The following PALLD variants were observed in gnomAD, a reference collection of about 807,000 sequenced individuals.
PALLD encodes the protein palladin, cytoskeletal associated protein.
In PALLD, 61 loss-of-function variants were observed where a neutral mutation model predicts 123.5. That is an observed-to-expected ratio of 0.49 (90% CI 0.40 to 0.61). The LOEUF is 0.61. Ranked by LOEUF, PALLD falls within the 20% of genes least tolerant of loss-of-function variation. The pLI, the probability that PALLD is intolerant of heterozygous loss-of-function variation, is 0.00. For synonymous variants in PALLD, 465 were observed against 496.4 expected, an observed-to-expected ratio of 0.94 and a Z score of 0.84; for missense variants, 1,273 against 1,377.0, an observed-to-expected ratio of 0.92 and a Z score of 1.20.
At chr4:168,719,252 CTT>C (rs869040811) in intron 10 of PALLD, among the ~76,000 whole-genome samples, 10 of 85,712 alleles carry the variant, frequency 1.2e-4, no homozygotes, top group East Asian at 3.2e-4. Context: ...AAGTAATCTT[CTT>C]TTTTTTTTTT....
At chr4:168,547,566 C>CAA (rs11339394) in intron 2 of PALLD, among the ~76,000 whole-genome samples, 1,233 of 70,920 alleles carry the variant, frequency 0.017, 18 homozygotes, top group Middle Eastern at 0.067. Flanking sequence ...TAATAAAATA[C>CAA]AAAAAAAAAA....
At chr4:168,552,424 T>C (rs917640597) in intron 2 of PALLD, among the ~76,000 whole-genome samples, 5 of 152,188 alleles carry the variant, frequency 3.3e-5, no homozygotes, top group Admixed American at 1.3e-4. Context: ...CTGGAATCCA[T>C]GAGCTTTCTT....
intron 2 of PALLD, among the ~76,000 whole-genome samples, chr4:168,522,603 A>G (rs1235257445): frequency 6.6e-6 from 1 of 152,228 alleles, no homozygotes; most frequent in East Asian, 1.9e-4. Context: ...CAGCAATTCA[A>G]GGACTCCATT....
At chr4:168,893,679 T>C (rs1351624185) in intron 11 of PALLD, among the ~76,000 whole-genome samples, 1 of 152,162 alleles carries the variant, frequency 6.6e-6, no homozygotes, top group Non-Finnish European at 1.5e-5. Context: ...CTTCCAAACC[T>C]GTAAGTCTAA....
At chr4:168,519,474 A>C (rs1763315752) in intron 2 of PALLD, among the ~76,000 whole-genome samples, 1 of 151,852 alleles carries the variant, frequency 6.6e-6, no homozygotes, top group Non-Finnish European at 1.5e-5. Context: ...TTGTCCATAT[A>C]ATTTTCAGGG....
At position 168,711,917 on chromosome 4, in the gene PALLD, C is replaced by T; in HGVS notation, c.1958C>T (p.Pro653Leu). Reference sequence around the variant, plus strand: ...GAGCCACCACCTCTGCTTGCCAAACCAAAACTGTGAGTATTTCTGCATGGT... The same window carrying T: ...GAGCCACCACCTCTGCTTGCCAAACTAAAACTGTGAGTATTTCTGCATGGT... ...TKEPPPLLAKPKLGFPKKASR... is the reference protein window; with the variant it reads ...TKEPPPLLAKLKLGFPKKASR... The change falls in exon 10 of 22, where the codon CCA becomes CTA. Residue 653 changes from proline to leucine, a missense_variant. Transcript: ENST00000505667. The T allele has an allele frequency of 6.2e-7, 1 of 1,610,978 alleles. No individual in the cohort carries two copies. Among genetic ancestry groups the T allele is most frequent in the Non-Finnish European group, 8.5e-7 (1 of 1,177,222 alleles).
chr4:168,677,653 TTCCAGTAAAATGGTC>T (rs916944365), intron 3 of PALLD, among the ~76,000 whole-genome samples: 10 of 152,160 alleles, frequency 6.6e-5, no homozygotes, highest in Admixed American at 5.9e-4. Context: ...GCTTTTATGA[TTCCAGTAAAATGGTC>T]TCCCGGGTCA....
chr4:168,914,326 A>G lies in PALLD; in HGVS notation c.2717+305A>G, dbSNP rs112698103. On this transcript the variant is annotated intron_variant, in intron 16 of 21. Coordinates refer to ENST00000505667, the MANE Select transcript of PALLD (RefSeq NM_001166108.2). ...CTTTTAAATGGCATATGAAAATACT[A>G]CTAAATGGTACACAAATGTTGGAAA... Among the ~76,000 whole-genome samples the G allele has an allele frequency of 9.3e-4, 141 of 152,356 alleles. 1 individual carries two copies. Among genetic ancestry groups the G allele is most frequent in the African/African-American group, 3.3e-3 (136 of 41,582 alleles).
At chr4:168,670,186 C>T (rs952272482) in intron 3 of PALLD, among the ~76,000 whole-genome samples, 4 of 152,146 alleles carry the variant, frequency 2.6e-5, no homozygotes, top group African/African-American at 9.7e-5. Flanking sequence ...AGATAGAGCA[C>T]TTTTAAATGA....
chr4:168,716,446 T>C (rs914808181), intron 10 of PALLD, among the ~76,000 whole-genome samples: 30 of 152,240 alleles, frequency 2.0e-4, no homozygotes, highest in Admixed American at 2.0e-3. Flanking sequence ...CTCTTACTAC[T>C]TGCTCTTACC....
intron 3 of PALLD, among the ~76,000 whole-genome samples, chr4:168,673,382 C>T (rs538292676): frequency 5.3e-5 from 8 of 151,872 alleles, no homozygotes; most frequent in African/African-American, 1.9e-4. Context: ...AAAGAGTGCT[C>T]CGGACCAAGG....
At chr4:168,795,550 A>C (rs1738367877) in intron 10 of PALLD, among the ~76,000 whole-genome samples, 1 of 152,172 alleles carries the variant, frequency 6.6e-6, no homozygotes, top group Non-Finnish European at 1.5e-5. Context: ...CTTCCTGAAA[A>C]AGTTCAATGA....
chr4:168,734,780 C>T (rs1188139460), intron 10 of PALLD, among the ~76,000 whole-genome samples: 2 of 152,038 alleles, frequency 1.3e-5, no homozygotes, highest in Non-Finnish European at 2.9e-5. Flanking sequence ...GAGGAGGAGC[C>T]AGGCATGGTG....
At chr4:168,635,085 A>G (rs1256569558) in intron 2 of PALLD, among the ~76,000 whole-genome samples, 1 of 152,210 alleles carries the variant, frequency 6.6e-6, no homozygotes. Flanking sequence ...TCTCATGTCA[A>G]GCTTGGGAAG....
At chr4:168,849,081 C>G (rs908235110) in intron 10 of PALLD, among the ~76,000 whole-genome samples, 1 of 152,184 alleles carries the variant, frequency 6.6e-6, no homozygotes, top group Non-Finnish European at 1.5e-5. Context: ...AGAGCCACTC[C>G]CATCGGAACA....
intron 2 of PALLD, among the ~76,000 whole-genome samples, chr4:168,571,078 G>A (rs977990743): frequency 1.3e-5 from 2 of 152,000 alleles, no homozygotes; most frequent in African/African-American, 4.8e-5. Flanking sequence ...CTCATCTAAA[G>A]AAAAAACATA....
intron 1 of PALLD, among the ~76,000 whole-genome samples, chr4:168,499,672 C>G (rs1761189636): frequency 6.6e-6 from 1 of 152,056 alleles, no homozygotes; most frequent in African/African-American, 2.4e-5. Context: ...GCCTAAATCC[C>G]CCCACAGAGG....
In PALLD at chr4:168,581,259, T is replaced by C. The variant is rs150870653; in HGVS notation, c.908+68847T>C. On this transcript the variant is annotated intron_variant, in intron 2 of 21. Transcript: ENST00000505667. ...GGATACTGATTTCATTTCCTTTGTG[T>C]ATATACCTGGAAGCAGGATTGTGCT... 2.6e-5 allele frequency among the ~76,000 whole-genome samples: 4 copies of C among 152,158 alleles called. No homozygotes were observed. In the East Asian group the frequency reaches 7.7e-4, roughly 29 times the overall value.
chr4:168,918,808 T>TA (rs1189247180), intron 17 of PALLD, among the ~76,000 whole-genome samples: 1 of 152,144 alleles, frequency 6.6e-6, no homozygotes. Flanking sequence ...AAAAAACACT[T>TA]AAAAAAATTC....
Sources: allele counts gnomAD v4.1 joint callset (sites outside exome capture counted in the v4.1 genomes callset), GRCh38; gene constraint gnomAD v4.1.1; transcripts MANE v1.5; gene names NCBI Gene and HGNC (gene_info 2026-07-23, HGNC 2026-07-21).